The following RAC1 variants were observed in gnomAD, a reference collection of about 807,000 sequenced individuals.
RAC1 encodes the protein ras-related C3 botulinum toxin substrate 1.
RAC1 carries 2 observed loss-of-function variants against 25.2 expected under a neutral mutation model. The observed-to-expected ratio is 0.08, with a 90% CI of 0.03 to 0.25. The LOEUF (loss-of-function observed/expected upper bound fraction) is 0.25. Ranked by LOEUF, RAC1 falls within the 10% of genes least tolerant of loss-of-function variation. RAC1 has a pLI of 1.00. For missense variants in RAC1, 50 were observed against 235.7 expected (o/e 0.21, Z 5.16); for synonymous variants, 88 against 94.0 (o/e 0.94, Z 0.37).
At chr7:6,383,279 G>A (rs1217154794) in intron 1 of RAC1, among the ~76,000 whole-genome samples, 8 of 152,314 alleles carry the variant, frequency 5.3e-5, no homozygotes, top group African/African-American at 2.4e-5. Context: ...TTGTGGAAGC[G>A]CAGCGTGGAC....
At chr7:6,386,093 A>G (rs1229303114) in intron 1 of RAC1, among the ~76,000 whole-genome samples, 1 of 152,208 alleles carries the variant, frequency 6.6e-6, no homozygotes, top group Non-Finnish European at 1.5e-5. Flanking sequence ...CACTGGTAAT[A>G]TTAGGATTAG....
intron 2 of RAC1, among the ~76,000 whole-genome samples, chr7:6,390,962 A>T (rs868089469): frequency 6.6e-6 from 1 of 152,062 alleles, no homozygotes; most frequent in Admixed American, 6.6e-5. Flanking sequence ...CAGTGGCGCA[A>T]CTTGGCCCAC....
At chr7:6,387,352 T>G in intron 2 of RAC1, 69 bp downstream of exon 2, 1 of 1,162,532 alleles carries the variant, frequency 8.6e-7, no homozygotes, top group Admixed American at 2.3e-5. Context: ...CCATTTGTTT[T>G]GCTGTAAAGC....
intron 2 of RAC1, among the ~76,000 whole-genome samples, chr7:6,391,258 A>C (rs191138154): frequency 6.6e-6 from 1 of 151,356 alleles, no homozygotes; most frequent in Non-Finnish European, 1.5e-5. Context: ...TGTGCAGAGG[A>C]AACACTATTT....
chr7:6,388,235 G>A (rs1160227154), intron 2 of RAC1, among the ~76,000 whole-genome samples: 5 of 152,004 alleles, frequency 3.3e-5, no homozygotes, highest in Non-Finnish European at 7.4e-5. Context: ...TGTGCAGGCT[G>A]GGGAGGTGTC....
intron 3 of RAC1, among the ~76,000 whole-genome samples, chr7:6,395,582 C>T (rs770733267): frequency 7.2e-5 from 11 of 152,138 alleles, no homozygotes; most frequent in African/African-American, 2.4e-4. Context: ...TACTTAGAAA[C>T]GATTATGAGT....
At chr7:6,396,769 G>A (rs1303110580) in intron 3 of RAC1, among the ~76,000 whole-genome samples, 2 of 152,126 alleles carry the variant, frequency 1.3e-5, no homozygotes, top group African/African-American at 2.4e-5. Context: ...GGTGGCTCAC[G>A]CCTGTAATCC....
chr7:6,400,321 G>T, intron 4 of RAC1, 133 bp downstream of exon 4: 1 of 831,192 alleles, frequency 1.2e-6, no homozygotes, highest in Non-Finnish European at 1.9e-6. Flanking sequence ...TTAAGTACAT[G>T]ATTGGGTTTT....
At chr7:6,384,641 T>C (rs1408308228) in intron 1 of RAC1, among the ~76,000 whole-genome samples, 2 of 151,982 alleles carry the variant, frequency 1.3e-5, no homozygotes, top group Non-Finnish European at 2.9e-5. Context: ...CCACTTATTT[T>C]TGAATTTTTT....
intron 1 of RAC1, among the ~76,000 whole-genome samples, chr7:6,384,945 A>G (rs991554396): frequency 6.6e-6 from 1 of 151,680 alleles, no homozygotes; most frequent in African/African-American, 2.4e-5. Context: ...AGCTGAGACT[A>G]CTGCTGCACA....
chr7:6,398,263 A>C lies in RAC1; in HGVS notation c.226-1863A>C, dbSNP rs150820421. On this transcript the variant is annotated intron_variant, in intron 3 of 5. Transcript: ENST00000348035. The stretch of plus-strand genomic sequence containing the variant: ...CCTTTTCCTGTATGCTGTGGCTTCA[A>C]CTAGGCTGTGTCTGAGAACTCGGAT... Among the ~76,000 whole-genome samples, 14 of 152,336 alleles carry C rather than the reference A, an allele frequency of 9.2e-5. No homozygotes were observed. In the East Asian group the frequency reaches 2.7e-3, roughly 29 times the overall value.
intron 2 of RAC1, among the ~76,000 whole-genome samples, chr7:6,391,214 T>G (rs1346173630): frequency 6.6e-6 from 1 of 150,536 alleles, no homozygotes; most frequent in Admixed American, 6.6e-5. Flanking sequence ...TTTTATTATA[T>G]TTTTCCTTTT....
rs147258994 is a variant in RAC1, at chr7:6,398,466, C to T, written c.226-1660C>T. Among the ~76,000 whole-genome samples the T allele has an allele frequency of 3.6e-3, 541 of 152,318 alleles. 9 individuals carry two copies. The highest frequency in any genetic ancestry group is 0.012 in the African/African-American group (509 of 41,558). On this transcript the variant is annotated intron_variant, in intron 3 of 5. Transcript: ENST00000348035. ...CTGTCTTCACCATCGTTGAACTTAA[C>T]GCCTGCTTTTGACCAGGTAGCGTGG...
chr7:6,386,979 G>C (rs1217910739), intron 1 of RAC1, among the ~76,000 whole-genome samples: 1 of 150,320 alleles, frequency 6.7e-6, no homozygotes, highest in Non-Finnish European at 1.5e-5. Flanking sequence ...TACCTAAACA[G>C]AATGTGATGG....
At chr7:6,375,133 T>G (rs1349982448) in intron 1 of RAC1, among the ~76,000 whole-genome samples, 1 of 151,862 alleles carries the variant, frequency 6.6e-6, no homozygotes, top group Non-Finnish European at 1.5e-5. Flanking sequence ...GACCCTTTAT[T>G]TTTTTTGCAT....
At chr7:6,396,678 C>G (rs1783244148) in intron 3 of RAC1, among the ~76,000 whole-genome samples, 1 of 152,144 alleles carries the variant, frequency 6.6e-6, no homozygotes. Context: ...TCAACAGTAG[C>G]CCATAGATGA....
At chr7:6,397,198 G>T (rs944348204) in intron 3 of RAC1, among the ~76,000 whole-genome samples, 1 of 146,060 alleles carries the variant, frequency 6.8e-6, no homozygotes, top group Non-Finnish European at 1.5e-5. Flanking sequence ...CCGAGATCGC[G>T]CCACTGCACT....
intron 1 of RAC1, among the ~76,000 whole-genome samples, chr7:6,382,019 A>T (rs1427707795): frequency 6.6e-6 from 1 of 151,858 alleles, no homozygotes; most frequent in African/African-American, 2.4e-5. Flanking sequence ...TGAGTCAGAG[A>T]GTCTCGCTCT....
At chr7:6,391,593 A>T (rs1783094657) in intron 2 of RAC1, 2 of 294,088 alleles carry the variant, frequency 6.8e-6, no homozygotes, top group South Asian at 9.3e-5. Context: ...AGGATTTGAA[A>T]GCGGGGCTAA....
Sources: allele counts gnomAD v4.1 joint callset (sites outside exome capture counted in the v4.1 genomes callset), GRCh38; gene constraint gnomAD v4.1.1; transcripts MANE v1.5; gene names NCBI Gene and HGNC (gene_info 2026-07-23, HGNC 2026-07-21).